NUP210L: variants seen among roughly 807,000 people sequenced by gnomAD.
The protein encoded by NUP210L is nucleoporin 210 like.
A neutral mutation model predicts 208.5 loss-of-function variants in NUP210L; 74 were observed. The ratio of observed to expected loss-of-function variants is 0.35; its 90% CI spans 0.29 to 0.43. The LOEUF (loss-of-function observed/expected upper bound fraction) is 0.43. NUP210L is among the 20% of genes least tolerant of loss of function. The pLI is 1.00. For synonymous variants in NUP210L, 780 were observed against 816.9 expected (o/e 0.95, Z 0.77); for missense variants, 1,843 against 2,289.4 (o/e 0.81, Z 3.98).
At chr1:154,124,914 T>C (rs917166591) in intron 10 of NUP210L, among the ~76,000 whole-genome samples, 2 of 151,846 alleles carry the variant, frequency 1.3e-5, no homozygotes, top group Non-Finnish European at 2.9e-5. Flanking sequence ...GATGATGCCA[T>C]TGCACTCCAG....
At chr1:154,032,531 C>T (rs1652289369) in intron 27 of NUP210L, among the ~76,000 whole-genome samples, 1 of 151,740 alleles carries the variant, frequency 6.6e-6, no homozygotes, top group Non-Finnish European at 1.5e-5. Flanking sequence ...AACACAGTCT[C>T]CCTCTGTCAC....
At chr1:154,093,745 A>T (rs1480700767) in intron 15 of NUP210L, among the ~76,000 whole-genome samples, 1 of 152,248 alleles carries the variant, frequency 6.6e-6, no homozygotes, top group Non-Finnish European at 1.5e-5. Context: ...TTTCACAGTC[A>T]TACCTTGAAT....
At chr1:154,152,930 G>A in intron 1 of NUP210L, 58 bp from the exon 2 acceptor site, 1 of 1,489,218 alleles carries the variant, frequency 6.7e-7, no homozygotes, top group Non-Finnish European at 9.4e-7. Context: ...AACTTTTAGT[G>A]GAACATAGAT....
intron 38 of NUP210L, 97 bp from the exon 39 acceptor site, chr1:153,993,186 TA>T: frequency 2.7e-6 from 2 of 740,098 alleles, no homozygotes; most frequent in South Asian, 4.2e-5. Flanking sequence ...AAATAATTCT[TA>T]AAAATAAGTA....
At chr1:154,118,262 T>C (rs7532301) in intron 11 of NUP210L, among the ~76,000 whole-genome samples, 5 of 151,772 alleles carry the variant, frequency 3.3e-5, no homozygotes, top group South Asian at 2.1e-4. Context: ...TGAGCCGAGA[T>C]TGCACCATTA....
chr1:154,105,613 T>A (rs1426898096), intron 12 of NUP210L, among the ~76,000 whole-genome samples: 1 of 152,206 alleles, frequency 6.6e-6, no homozygotes, highest in Admixed American at 6.5e-5. Flanking sequence ...CCAGCTGTGA[T>A]GACCATGAGC....
intron 1 of NUP210L, among the ~76,000 whole-genome samples, chr1:154,153,725 C>T (rs1482169483): frequency 1.3e-5 from 2 of 152,158 alleles, no homozygotes; most frequent in Non-Finnish European, 2.9e-5. Flanking sequence ...GGATTACAGG[C>T]GTGAGCCACC....
intron 7 of NUP210L, among the ~76,000 whole-genome samples, chr1:154,132,990 T>C (rs1388416398): frequency 6.6e-6 from 1 of 152,232 alleles, no homozygotes; most frequent in Non-Finnish European, 1.5e-5. Context: ...GGCTACGCTA[T>C]AGACAGTGTG....
intron 23 of NUP210L, 119 bp from the exon 24 acceptor site, chr1:154,054,951 A>G (rs1192064168): frequency 1.5e-6 from 1 of 682,414 alleles, no homozygotes; most frequent in African/African-American, 1.8e-5. Flanking sequence ...CCCATGCTGA[A>G]GTGCAGTGGC....
intron 15 of NUP210L, among the ~76,000 whole-genome samples, chr1:154,091,069 C>CTGT (rs1553234157): frequency 8.0e-4 from 78 of 97,092 alleles, no homozygotes; most frequent in Middle Eastern, 5.1e-3. Flanking sequence ...ATTATTATTG[C>CTGT]TGTTATTATT....
At chr1:154,003,703 GT>G (rs1432193360) in intron 35 of NUP210L, among the ~76,000 whole-genome samples, 1 of 151,732 alleles carries the variant, frequency 6.6e-6, no homozygotes, top group African/African-American at 2.4e-5. Context: ...GCCCAGGCTG[GT>G]TTCAAACTCC....
At chr1:154,027,080 C>CAAAAAAAAAAAAAAAA (rs59626984) in intron 29 of NUP210L, among the ~76,000 whole-genome samples, 8 of 101,740 alleles carry the variant, frequency 7.9e-5, no homozygotes, top group East Asian at 2.9e-4. Context: ...GAGACTGTCT[C>CAAAAAAAAAAAAAAAA]AAAAAAAAAA....
chr1:154,045,696 G>A (rs1016490409), intron 27 of NUP210L, among the ~76,000 whole-genome samples: 10 of 151,998 alleles, frequency 6.6e-5, no homozygotes, highest in Non-Finnish European at 1.2e-4. Flanking sequence ...TAAAACTTAT[G>A]ATAGGATGAG....
At chr1:154,022,407 A>G (rs1651618428) in intron 31 of NUP210L, 64 bp from the exon 32 acceptor site, 3 of 1,300,914 alleles carry the variant, frequency 2.3e-6, no homozygotes, top group Non-Finnish European at 3.3e-6. Context: ...ATAGTTCTGG[A>G]GAACACCCTA....
intron 2 of NUP210L, among the ~76,000 whole-genome samples, chr1:154,148,788 AAAC>A (rs1659237312): frequency 1.3e-5 from 2 of 152,200 alleles, no homozygotes; most frequent in East Asian, 1.9e-4. Flanking sequence ...TATGAACAAA[AAAC>A]AACAAGGTAA....
intron 7 of NUP210L, among the ~76,000 whole-genome samples, chr1:154,132,450 GCTAT>G (rs772317858): frequency 6.6e-6 from 1 of 152,008 alleles, no homozygotes; most frequent in Non-Finnish European, 1.5e-5. Context: ...AACTGAACTC[GCTAT>G]CTTTTTCCTT....
chr1:154,106,690 A>G (rs983494362), intron 12 of NUP210L, among the ~76,000 whole-genome samples: 9 of 152,198 alleles, frequency 5.9e-5, no homozygotes, highest in South Asian at 2.1e-4. Context: ...GTTTGGGCAA[A>G]AGAAAGAGAA....
intron 33 of NUP210L, 79 bp downstream of exon 33, chr1:154,018,854 G>T: frequency 6.8e-7 from 1 of 1,478,940 alleles, no homozygotes; most frequent in Non-Finnish European, 9.3e-7. Context: ...CCTTTCCTAA[G>T]ATGTATTTTC....
exon 6 of NUP210L, chr1:154,138,181 A>G: frequency 6.5e-7 from 1 of 1,543,752 alleles, no homozygotes; most frequent in Non-Finnish European, 8.6e-7. Flanking sequence ...ATATCATGGG[A>G]TGGTATAAGA....
Sources: allele counts gnomAD v4.1 joint callset (sites outside exome capture counted in the v4.1 genomes callset), GRCh38; gene constraint gnomAD v4.1.1; transcripts MANE v1.5; gene names NCBI Gene and HGNC (gene_info 2026-07-23, HGNC 2026-07-21).